IVD: variants seen among roughly 807,000 people sequenced by gnomAD.
IVD encodes isovaleryl-CoA dehydrogenase, also known as isovaleryl-CoA dehydrogenase, mitochondrial.
A neutral mutation model predicts 51.3 loss-of-function variants in IVD; 31 were observed. The ratio of observed to expected loss-of-function variants is 0.60; its 90% CI spans 0.45 to 0.81. The LOEUF (loss-of-function observed/expected upper bound fraction) is 0.81. Ranked by LOEUF, IVD falls within the 40% of genes least tolerant of loss-of-function variation. The pLI, the probability that IVD is intolerant of heterozygous loss-of-function variation, is 0.00. For missense variants in IVD, 475 were observed against 552.0 expected (o/e 0.86, Z 1.40); for synonymous variants, 205 against 219.4 (o/e 0.93, Z 0.58).
downstream of IVD, among the ~76,000 whole-genome samples, chr15:40,423,682 A>C (rs1028317773): frequency 2.6e-5 from 4 of 151,844 alleles, no homozygotes; most frequent in African/African-American, 9.7e-5. Flanking sequence ...GGCTGGTCTC[A>C]AACTCTTGAC....
intron 8 of IVD, among the ~76,000 whole-genome samples, chr15:40,434,432 C>T (rs1167197599): frequency 6.6e-6 from 1 of 152,148 alleles, no homozygotes; most frequent in Non-Finnish European, 1.5e-5. Flanking sequence ...TTATGAGAGA[C>T]CTAGAATGCC....
rs1566935817 is a variant in IVD at position 40,411,265 on chromosome 15, C to T, written c.462C>T (p.Ile154=). ...AQKEKYLPKL[I]SGEYIGALAM... is the part of the protein sequence containing the mutation. ...GTTGGGGGTTTTCCTTGCAGCTGAT[C>T]AGTGGTGAGTACATCGGAGCCCTGG... The change falls in exon 5 of 12, where the codon ATC becomes ATT. Residue 154 remains isoleucine, a synonymous_variant. Transcript: ENST00000487418. 6.2e-7 allele frequency: 1 copy of T among 1,614,086 alleles called. No individual in the cohort carries two copies.
Position 40,411,284 on chromosome 15 carries a change from GC to G in IVD, c.484del (p.Leu162TrpfsTer3). The stretch of plus-strand genomic sequence containing the variant: ...GCTGATCAGTGGTGAGTACATCGGA[GC>G]CCTGGCCATGAGTGAGCCCAATGCA... ...PKLISGEYIGALAMSEPNAGS... is the reference protein window; with the variant it reads ...PKLISGEYIGXLAMSEPNAGS... On this transcript the variant is annotated frameshift_variant, in exon 5 of 12. Coordinates refer to ENST00000487418, the MANE Select transcript of IVD (RefSeq NM_002225.5). LOFTEE classifies it high-confidence loss of function. The G allele has an allele frequency of 6.2e-7, 1 of 1,614,156 alleles. No homozygotes were observed.
At position 40,410,213 on chromosome 15, in the gene IVD, C is replaced by A. The variant is rs189320196; in HGVS notation, c.287-415C>A. On this transcript the variant is annotated intron_variant, in intron 3 of 11. Coordinates refer to ENST00000487418, the MANE Select transcript of IVD (RefSeq NM_002225.5). ...AGGCCTTTTGCAGACACATCAGATC[C>A]TCTGGCTTTGTATCTGTTCTTGGTG... 1.3e-3 allele frequency among the ~76,000 whole-genome samples: 192 copies of A among 152,296 alleles called. 1 individual carries two copies. Among genetic ancestry groups the A allele is most frequent in the African/African-American group, 4.5e-3 (188 of 41,568 alleles).
At position 40,434,063 on chromosome 15, in the gene IVD, G is replaced by A. The variant is rs994182276; in HGVS notation, c.780+149G>A. On this transcript the variant is annotated intron_variant, in intron 8 of 8. Transcript: ENST00000473112. Reference sequence around the variant, plus strand: ...GGATCACACACCTGAAAACCTTCAGGGTTCAGGTCCCGTAAATGCCCCACA... The same window carrying A: ...GGATCACACACCTGAAAACCTTCAGAGTTCAGGTCCCGTAAATGCCCCACA... 3 of 363,178 alleles carry A rather than the reference G, an allele frequency of 8.3e-6. No homozygotes were observed. The East Asian group carries it at 2.3e-4, about 28-fold the overall frequency. The allele number at this position is 363,178 out of a possible 1,614,324, so 22.5% of individuals were successfully genotyped here.
chr15:40,421,565 C>A (rs1226712659), downstream of IVD, among the ~76,000 whole-genome samples: 5 of 152,182 alleles, frequency 3.3e-5, no homozygotes, highest in African/African-American at 7.2e-5. Flanking sequence ...TCTGAGCACA[C>A]CCCTTATCAA....
chr15:40,424,779 T>C (rs1214219875), downstream of IVD, among the ~76,000 whole-genome samples: 1 of 152,256 alleles, frequency 6.6e-6, no homozygotes, highest in Non-Finnish European at 1.5e-5. Flanking sequence ...CGGTCCTCTC[T>C]GTAAGATCTT....
intron 8 of IVD, among the ~76,000 whole-genome samples, chr15:40,434,914 G>T (rs1164220596): frequency 6.6e-6 from 1 of 152,196 alleles, no homozygotes; most frequent in Non-Finnish European, 1.5e-5. Context: ...GGCCTCAGAA[G>T]TCCAGTGGGG....
chr15:40,412,896 T>A, intron 6 of IVD, 95 bp from the exon 7 acceptor site: 2 of 925,116 alleles, frequency 2.2e-6, no homozygotes, highest in Non-Finnish European at 3.5e-6. Context: ...AGGGACTCAA[T>A]AGGAAGGTGA....
intron 1 of IVD, chr15:40,406,197 A>T (rs553637340): frequency 8.5e-6 from 13 of 1,529,356 alleles, no homozygotes; most frequent in South Asian, 6.0e-5. Context: ...AGACCGTGGG[A>T]CAGTACTGCT....
rs568885234 is a variant in IVD, at chr15:40,414,969, G to C, written c.865G>C (p.Gly289Arg). 6.2e-7 allele frequency: 1 copy of C among 1,613,340 alleles called. No individual in the cohort carries two copies. Among genetic ancestry groups the C allele is most frequent in the African/African-American group, 1.3e-5 (1 of 74,906 alleles). Residue 289 changes from glycine to arginine, a missense_variant, in exon 8 of 12, where the codon GGG becomes CGG. Gly to Arg is a moderately radical substitution (Grantham distance 125). Coordinates refer to ENST00000487418, the MANE Select transcript of IVD (RefSeq NM_002225.5). ...GLDLERLVLA[G>R]GPLGLMQAVL... is the part of the protein sequence containing the mutation. ...GGACCTGGAGCGGCTGGTGCTGGCCGGGGGGCCTCTTGGGTAAGTGTGAGA... is the reference window on the plus strand; with the variant it reads ...GGACCTGGAGCGGCTGGTGCTGGCCCGGGGGCCTCTTGGGTAAGTGTGAGA...
At position 40,421,073 on chromosome 15, in the gene IVD, TC is replaced by T; in HGVS notation, c.*2813del. On this transcript the variant is annotated 3_prime_UTR_variant, in exon 12 of 12. Transcript: ENST00000487418. The stretch of plus-strand genomic sequence containing the variant: ...GGCAAGATCCTGGGCTCATAGGCAG[TC>T]CCTTTCACTTCCTTGTCTTGCTCCC... 1.0e-6 allele frequency: 1 copy of T among 985,426 alleles called. No individual in the cohort carries two copies. The highest frequency in any genetic ancestry group is 1.2e-6 in the Non-Finnish European group (1 of 829,946). The allele number at this position is 985,426 out of a possible 1,614,324, so 61.0% of individuals were successfully genotyped here.
chr15:40,411,617 C>T lies in IVD; in HGVS notation c.613C>T (p.Leu205=), dbSNP rs1891095620. The change falls in exon 6 of 12, where the codon CTG becomes TTG. Residue 205 remains leucine (L), a synonymous_variant. Coordinates refer to ENST00000487418, the MANE Select transcript of IVD (RefSeq NM_002225.5). ...WITNGPDADV[L]IVYAKTDLAA... is the part of the protein sequence containing the mutation. ...CACTAATGGCCCTGATGCTGACGTCCTGATTGTCTATGCCAAGACAGATCT... is the reference window on the plus strand; with the variant it reads ...CACTAATGGCCCTGATGCTGACGTCTTGATTGTCTATGCCAAGACAGATCT... 6.2e-7 allele frequency: 1 copy of T among 1,614,198 alleles called. No individual in the cohort carries two copies. The highest frequency in any genetic ancestry group is 2.2e-5 in the East Asian group (1 of 44,886).
downstream of IVD, among the ~76,000 whole-genome samples, chr15:40,425,439 A>AATATATATATATATATATATATATAT (rs1566949596): frequency 5.4e-5 from 4 of 73,484 alleles, no homozygotes; most frequent in African/African-American, 1.3e-4. Context: ...CTGGACTCAT[A>AATATATATATATATATATATATATAT]CTATATATAT....
At chr15:40,434,008 C>A (rs1893130340) in intron 8 of IVD, 1 of 438,822 alleles carries the variant, frequency 2.3e-6, no homozygotes, top group African/African-American at 2.0e-5. Context: ...CGATACCCAT[C>A]CATGTCTCTG....
chr15:40,415,014 T>C, intron 8 of IVD, 32 bp downstream of exon 8: 5 of 1,611,120 alleles, frequency 3.1e-6, no homozygotes, highest in Non-Finnish European at 4.2e-6. Context: ...GAAGCTGGGC[T>C]CTGTCGGCCT....
In IVD at chr15:40,416,131, G is replaced by A. The variant is rs1891648588; in HGVS notation, c.1014G>A (p.Gln338=). ...ACACCCGCCTCATGGCGTGTCGGCA[G>A]TATGTCTACAATGTCGCCAAGGCCT... The part of the protein sequence containing the change: ...DMYTRLMACR[Q]YVYNVAKACD... The change falls in exon 10 of 12, where the codon CAG becomes CAA. Residue 338 remains glutamine, a synonymous_variant. Transcript: ENST00000487418. The A allele has an allele frequency of 7.4e-6, 12 of 1,614,160 alleles. No individual in the cohort carries two copies. Among genetic ancestry groups the A allele is most frequent in the Non-Finnish European group, 1.0e-5 (12 of 1,180,054 alleles).
chr15:40,407,905 A>G, intron 2 of IVD, 34 bp from the exon 3 acceptor site: 4 of 1,612,408 alleles, frequency 2.5e-6, no homozygotes, highest in Middle Eastern at 1.7e-4. Flanking sequence ...CTTCCCCTCA[A>G]CACTTATTCC....
At chr15:40,410,885 C>A in intron 4 of IVD, 88 bp downstream of exon 4, 1 of 1,485,418 alleles carries the variant, frequency 6.7e-7, no homozygotes, top group Non-Finnish European at 9.2e-7. Context: ...CCAGTCAGAC[C>A]TGCTTTCTGT....
Sources: allele counts gnomAD v4.1 joint callset (sites outside exome capture counted in the v4.1 genomes callset), GRCh38; gene constraint gnomAD v4.1.1; transcripts MANE v1.5; gene names NCBI Gene and HGNC (gene_info 2026-07-23, HGNC 2026-07-21).